Variants in TRMT61B observed in about 807,000 individuals in gnomAD.
TRMT61B encodes tRNA (adenine(58)-N(1))-methyltransferase, mitochondrial.
In TRMT61B, 56 loss-of-function variants were observed where a neutral mutation model predicts 52.0. That is an observed-to-expected ratio of 1.08 (90% confidence interval 0.87 to 1.35). The LOEUF is 1.35. Ranked by LOEUF, TRMT61B falls within the 40% of genes most tolerant of loss-of-function variation. The pLI is 0.00. For synonymous variants in TRMT61B, 206 were observed against 220.0 expected (o/e 0.94, Z 0.56); for missense variants, 650 against 577.9 (o/e 1.12, Z -1.28).
chr2:28,863,371 T>C (rs1460805544), intron 2 of TRMT61B, among the ~76,000 whole-genome samples: 1 of 148,186 alleles, frequency 6.7e-6, no homozygotes, highest in Non-Finnish European at 1.5e-5. Context: ...GTCAAGGCTG[T>C]AGTGAGCCAC....
chr2:28,852,953 T>A (rs1320306693), intron 3 of TRMT61B, among the ~76,000 whole-genome samples: 1 of 152,098 alleles, frequency 6.6e-6, no homozygotes, highest in African/African-American at 2.4e-5. Context: ...TGAGATCCTG[T>A]CTCAGGGAAG....
rs1669072884 is a variant in TRMT61B at position 28,851,075 on chromosome 2, G to A, written c.1309C>T (p.His437Tyr). 1 of 1,597,140 alleles carries A rather than the reference G, an allele frequency of 6.3e-7. No homozygotes were observed. Among genetic ancestry groups the A allele is most frequent in the African/African-American group, 1.3e-5 (1 of 74,466 alleles). ...VKGELFQEDD[H>Y]EESHSDFPYG... The stretch of plus-strand genomic sequence containing the variant: ...ATAAAGTAAAACTGAAGCTCACCAT[G>A]GTCATCCTCTTGAAACAGCTCACCT... Residue 437 changes from histidine to tyrosine, a missense_variant, in exon 5 of 7, where the codon CAT becomes TAT. His to Tyr is a moderately conservative substitution (Grantham distance 83). Coordinates refer to ENST00000306108, the MANE Select transcript of TRMT61B (RefSeq NM_017910.4).
intron 1 of TRMT61B, among the ~76,000 whole-genome samples, chr2:28,869,139 T>C (rs1052544239): frequency 4.6e-5 from 7 of 152,244 alleles, no homozygotes; most frequent in Admixed American, 1.3e-4. Flanking sequence ...CACCGTAATG[T>C]ACCTATTGTT....
chr2:28,854,568 C>T (rs970110511), intron 3 of TRMT61B, among the ~76,000 whole-genome samples: 1 of 151,880 alleles, frequency 6.6e-6, no homozygotes, highest in African/African-American at 2.4e-5. Context: ...GGCGAAACCC[C>T]GTTTCTACTA....
At chr2:28,852,292 G>A (rs1669144327) in intron 4 of TRMT61B, 116 bp downstream of exon 4, 2 of 494,938 alleles carry the variant, frequency 4.0e-6, no homozygotes, top group South Asian at 2.5e-5. Flanking sequence ...CAACCTGGGT[G>A]ACAGAGTTTT....
At chr2:28,864,374 T>C (rs942249179) in intron 2 of TRMT61B, among the ~76,000 whole-genome samples, 1 of 151,954 alleles carries the variant, frequency 6.6e-6, no homozygotes, top group Admixed American at 6.6e-5. Context: ...CTATCAACAG[T>C]AAAATAGGTA....
At position 28,869,830 on chromosome 2, in the gene TRMT61B, G is replaced by C. The variant is rs552009834; in HGVS notation, c.448C>G (p.Pro150Ala). The C allele has an allele frequency of 6.2e-7, 1 of 1,614,160 alleles. No individual in the cohort carries two copies. Among genetic ancestry groups the C allele is most frequent in the South Asian group, 1.1e-5 (1 of 91,084 alleles). ...SPSCSTSRER[P>A]FQAGELILAE... ...AAAATCAGTTCCCCAGCCTGAAAGG[G>C]TCTCTCTCTGGAAGTTGAACAAGAA... Residue 150 changes from proline to alanine, a missense_variant, in exon 1 of 7, where the codon CCC (proline) becomes GCC (alanine). Physicochemically the swap from Pro to Ala is conservative, Grantham distance 27 (BLOSUM62 -1). Transcript: ENST00000306108.
chr2:28,856,701 C>T (rs1015255180), intron 3 of TRMT61B, among the ~76,000 whole-genome samples: 5 of 151,870 alleles, frequency 3.3e-5, no homozygotes, highest in East Asian at 3.9e-4. Context: ...ATGGTGCGAT[C>T]GTAGCTCACT....
At chr2:28,853,814 T>C (rs1196194072) in intron 3 of TRMT61B, among the ~76,000 whole-genome samples, 1 of 149,204 alleles carries the variant, frequency 6.7e-6, no homozygotes, top group Admixed American at 6.8e-5. Context: ...CAAGCCTGGG[T>C]GACAGAGTGA....
chr2:28,870,271 T>C lies in TRMT61B; in HGVS notation c.7A>G (p.Met3Val). Residue 3 changes from methionine to valine, a missense_variant, in exon 1 of 7, where the codon ATG (methionine) becomes GTG (valine). Physicochemically the swap from Met to Val is conservative, Grantham distance 21 (BLOSUM62 1). Transcript: ENST00000306108. ...AAGACAGGACCGCGGCACCATGCCATTAGCATAGTGTTTCGCGAAGGCGCC... is the reference window on the plus strand; with the variant it reads ...AAGACAGGACCGCGGCACCATGCCACTAGCATAGTGTTTCGCGAAGGCGCC... MLMAWCRGPVLLC... is the reference protein window; with the variant it reads MLVAWCRGPVLLC... 1 of 1,579,884 alleles carries C rather than the reference T, an allele frequency of 6.3e-7. No individual in the cohort carries two copies. Among genetic ancestry groups the C allele is most frequent in the Non-Finnish European group, 8.6e-7 (1 of 1,165,826 alleles).
chr2:28,866,020 C>T (rs1298266912), intron 1 of TRMT61B, among the ~76,000 whole-genome samples: 5 of 140,784 alleles, frequency 3.6e-5, no homozygotes, highest in African/African-American at 8.0e-5. Flanking sequence ...GACAGAGTCT[C>T]GCTCTGTCAC....
rs1294508436 is a variant in TRMT61B, at chr2:28,850,393, G to C, written c.1325C>G (p.Ser442Cys). ...GGGAAATGATCCATATGGAAAATCA[G>C]AATGCGATTCTTCTGTTGTAAAAAA... ...FQEDDHEESH[S>C]DFPYGSFPYV... The change falls in exon 6 of 7, where the codon TCT becomes TGT. Residue 442 changes from serine to cysteine, a missense_variant. By Grantham distance (112) the Ser-to-Cys change is moderately radical. Coordinates refer to ENST00000306108, the MANE Select transcript of TRMT61B (RefSeq NM_017910.4). 4.4e-6 allele frequency: 7 copies of C among 1,605,830 alleles called. No homozygotes were observed. In the African/African-American group the frequency reaches 8.0e-5, roughly 18 times the overall value.
intron 2 of TRMT61B, among the ~76,000 whole-genome samples, chr2:28,863,401 A>G (rs1468374062): frequency 6.6e-6 from 1 of 151,272 alleles, no homozygotes; most frequent in Non-Finnish European, 1.5e-5. Flanking sequence ...ACTGCATTCC[A>G]AACTGGGGAA....
At chr2:28,867,922 T>C (rs1016391340) in intron 1 of TRMT61B, among the ~76,000 whole-genome samples, 6 of 152,050 alleles carry the variant, frequency 3.9e-5, no homozygotes, top group African/African-American at 1.2e-4. Context: ...CATAGTGGCA[T>C]GCACCTGTGG....
intron 3 of TRMT61B, among the ~76,000 whole-genome samples, chr2:28,855,740 G>A (rs914970312): frequency 9.2e-5 from 14 of 152,144 alleles, no homozygotes; most frequent in East Asian, 1.9e-4. Context: ...AGGCCGAGGC[G>A]GGTGGATCAC....
rs1036381317 is a variant in TRMT61B at position 28,849,913 on chromosome 2, T to C, written c.*286A>G. ...AATTTCTTGAAGAAAGACAAATCTA[T>C]GGAGTGGTTTACAGGAAGTGAAGAA... On this transcript the variant is annotated 3_prime_UTR_variant, in exon 7 of 7. Transcript: ENST00000306108. The C allele has an allele frequency of 2.5e-6, 4 of 1,596,296 alleles. No individual in the cohort carries two copies. The highest frequency in any genetic ancestry group is 1.2e-5 in the South Asian group (1 of 86,666).
At chr2:28,850,479 TGA>T in intron 5 of TRMT61B, 74 bp from the exon 6 acceptor site, 1 of 977,420 alleles carries the variant, frequency 1.0e-6, no homozygotes, top group South Asian at 1.6e-5. Flanking sequence ...TGTTAAAATA[TGA>T]GTTACTCTCT....
Position 28,849,893 on chromosome 2 carries a change from C to A in TRMT61B, c.*306G>T, listed in dbSNP as rs758767483. ...CAAATAAAGGAAAGAAAACTAATTT[C>A]TTGAAGAAAGACAAATCTATGGAGT... is the stretch of plus-strand genomic sequence containing the variant. On this transcript the variant is annotated 3_prime_UTR_variant, in exon 7 of 7. Coordinates refer to ENST00000306108, the MANE Select transcript of TRMT61B (RefSeq NM_017910.4). 1.3e-6 allele frequency: 2 copies of A among 1,592,306 alleles called. No individual in the cohort carries two copies. Among genetic ancestry groups the A allele is most frequent in the Non-Finnish European group, 1.7e-6 (2 of 1,174,002 alleles).
chr2:28,863,102 C>A (rs1669678866), intron 2 of TRMT61B, among the ~76,000 whole-genome samples: 1 of 151,998 alleles, frequency 6.6e-6, no homozygotes. Flanking sequence ...GTAACTCCAA[C>A]TGCAAGTTAT....
Sources: allele counts gnomAD v4.1 joint callset (sites outside exome capture counted in the v4.1 genomes callset), GRCh38; gene constraint gnomAD v4.1.1; transcripts MANE v1.5; gene names NCBI Gene and HGNC (gene_info 2026-07-23, HGNC 2026-07-21).